AVEN: variants seen among roughly 807,000 people sequenced by gnomAD.
AVEN encodes apoptosis and caspase activation inhibitor.
In AVEN, 41 loss-of-function variants were observed where a neutral mutation model predicts 38.1. That is an observed-to-expected ratio of 1.08 (90% CI 0.84 to 1.40). AVEN has a LOEUF of 1.40. Ranked by LOEUF, AVEN falls within the 40% of genes most tolerant of loss-of-function variation. AVEN has a pLI of 0.00. For synonymous variants in AVEN, 206 were observed against 171.8 expected, an observed-to-expected ratio of 1.20 and a Z score of -1.56; for missense variants, 605 against 438.8, an observed-to-expected ratio of 1.38 and a Z score of -3.38.
At chr15:33,858,193 G>C (rs2079912509), downstream of AVEN, 1 of 364,308 alleles carries the variant, frequency 2.7e-6, no homozygotes, top group African/African-American at 2.0e-5. Context: ...TATTTCCGGG[G>C]TAAAGATGAG....
At chr15:33,889,280 A>G (rs1891834596) in intron 2 of AVEN, among the ~76,000 whole-genome samples, 1 of 152,192 alleles carries the variant, frequency 6.6e-6, no homozygotes, top group Non-Finnish European at 1.5e-5. Context: ...ACATTATTCA[A>G]ATAATGCTAG....
Position 34,038,815 on chromosome 15 carries a change from C to A in AVEN, c.232G>T (p.Glu78Ter). 1 of 1,194,852 alleles carries A rather than the reference C, an allele frequency of 8.4e-7. No individual in the cohort carries two copies. The highest frequency in any genetic ancestry group is 3.4e-5 in the South Asian group (1 of 29,644). The allele number at this position is 1,194,852 out of a possible 1,614,324, so 74.0% of individuals were successfully genotyped here. A position where few individuals can be genotyped will look rare whatever the true frequency, so the allele number is the denominator to read the frequency against. ...GGGAPRGSRR[E>*]PGGWGAGASA... ...GCCCCTGCGCCCCAGCCTCCCGGCTCCCGGCGGCTGCCTCGCGGGGCGCCT... is the reference window on the plus strand; with the variant it reads ...GCCCCTGCGCCCCAGCCTCCCGGCTACCGGCGGCTGCCTCGCGGGGCGCCT... Residue 78 changes from glutamate (E) to a stop codon, truncating the protein, a stop_gained, in exon 1 of 6, where the codon GAG becomes TAG. Coordinates refer to ENST00000306730, the MANE Select transcript of AVEN (RefSeq NM_020371.3). LOFTEE classifies it high-confidence loss of function.
intron 2 of AVEN, among the ~76,000 whole-genome samples, chr15:33,987,500 C>T (rs1023443107): frequency 5.9e-5 from 9 of 152,290 alleles, no homozygotes; most frequent in African/African-American, 1.9e-4. Flanking sequence ...TCAGATTACG[C>T]TCCACTCTCC....
chr15:33,941,877 T>A (rs1894331579), intron 2 of AVEN, among the ~76,000 whole-genome samples: 1 of 152,202 alleles, frequency 6.6e-6, no homozygotes, highest in South Asian at 2.1e-4. Context: ...CACTTCAGCT[T>A]TCCAGTGTTT....
chr15:33,955,624 A>C (rs1324902362), intron 2 of AVEN, among the ~76,000 whole-genome samples: 1 of 152,222 alleles, frequency 6.6e-6, no homozygotes, highest in African/African-American at 2.4e-5. Flanking sequence ...GTGATGAGGC[A>C]GAAGTCATAG....
At chr15:34,002,288 T>G (rs1897165855) in intron 2 of AVEN, among the ~76,000 whole-genome samples, 1 of 152,354 alleles carries the variant, frequency 6.6e-6, no homozygotes, top group South Asian at 2.1e-4. Flanking sequence ...CCCAGGGATC[T>G]GTCACGCTGC....
intron 1 of AVEN, among the ~76,000 whole-genome samples, chr15:34,006,011 T>G (rs1897321013): frequency 1.3e-5 from 2 of 152,120 alleles, no homozygotes; most frequent in African/African-American, 2.4e-5. Context: ...ACCAGGAACA[T>G]TCTACAGAAA....
At chr15:33,861,325 C>A (rs996177115), downstream of AVEN, 4 of 575,900 alleles carry the variant, frequency 6.9e-6, no homozygotes, top group East Asian at 1.2e-4. Flanking sequence ...TCCATAGACT[C>A]TGTCTCTCCC....
At chr15:33,873,401 C>T (rs1317953408) in intron 3 of AVEN, among the ~76,000 whole-genome samples, 2 of 150,296 alleles carry the variant, frequency 1.3e-5, no homozygotes, top group African/African-American at 4.9e-5. Flanking sequence ...CGCCCGCCCC[C>T]TCTCTATTGT....
At chr15:33,868,336 A>C (rs1411311828) in intron 4 of AVEN, among the ~76,000 whole-genome samples, 1 of 152,038 alleles carries the variant, frequency 6.6e-6, no homozygotes, top group Non-Finnish European at 1.5e-5. Flanking sequence ...ATCCTGGCTA[A>C]CATGGTGAAA....
At chr15:33,928,250 T>C (rs1267041099) in intron 2 of AVEN, among the ~76,000 whole-genome samples, 2 of 152,204 alleles carry the variant, frequency 1.3e-5, no homozygotes, top group Non-Finnish European at 2.9e-5. Context: ...TTACTGACTG[T>C]TGTAAATTGA....
intron 4 of AVEN, chr15:34,064,838 ACTAT>A (rs1373452964): frequency 1.7e-5 from 3 of 180,372 alleles, no homozygotes; most frequent in African/African-American, 4.8e-5. Flanking sequence ...TAAACTGATC[ACTAT>A]CTATTATGCA....
chr15:33,854,252 G>A (rs2153000102), downstream of AVEN: 1 of 675,022 alleles, frequency 1.5e-6, no homozygotes, highest in Non-Finnish European at 2.6e-6. Context: ...CTCATGGGGA[G>A]CACATACAAC....
In AVEN at chr15:33,890,840, G is replaced by A. The variant is rs115157039; in HGVS notation, c.446-14845C>T. 5.4e-3 allele frequency among the ~76,000 whole-genome samples: 819 copies of A among 152,312 alleles called. 9 individuals carry two copies. Among genetic ancestry groups the A allele is most frequent in the African/African-American group, 0.019 (788 of 41,578 alleles). The stretch of plus-strand genomic sequence containing the variant: ...TACAAAGGTAAAACTGGCCAAGCAT[G>A]GTGGCTCACAGCTGTAATCCCAGCA... On this transcript the variant is annotated intron_variant, in intron 2 of 5. Transcript: ENST00000306730.
downstream of AVEN, chr15:33,858,169 C>T (rs1191735892): frequency 4.6e-6 from 2 of 431,698 alleles, no homozygotes; most frequent in African/African-American, 2.0e-5. Flanking sequence ...TGCACAGTGG[C>T]GTCATCATTC....
intron 2 of AVEN, among the ~76,000 whole-genome samples, chr15:33,918,019 A>G (rs1352693153): frequency 6.6e-6 from 1 of 152,204 alleles, no homozygotes; most frequent in African/African-American, 2.4e-5. Flanking sequence ...TAATTTTTCT[A>G]TTAATTACAG....
At chr15:33,988,002 A>G (rs489945) in intron 2 of AVEN, among the ~76,000 whole-genome samples, 142,414 of 152,224 alleles carry the variant, frequency 0.94, 67,218 homozygotes, top group Non-Finnish European at 1. Context: ...ACCAACTTCC[A>G]TAGGCCAAAA....
At chr15:34,034,825 A>C (rs1899041121) in intron 1 of AVEN, among the ~76,000 whole-genome samples, 1 of 152,242 alleles carries the variant, frequency 6.6e-6, no homozygotes, top group Non-Finnish European at 1.5e-5. Flanking sequence ...ATCTTAAAGC[A>C]ATCTTCTGTT....
intron 2 of AVEN, among the ~76,000 whole-genome samples, chr15:33,927,927 C>A (rs1314289470): frequency 6.6e-6 from 1 of 152,164 alleles, no homozygotes; most frequent in Non-Finnish European, 1.5e-5. Context: ...AATATTCCCA[C>A]TGCCCACTGT....
Sources: gnomAD v4.1 joint callset for allele counts (sites outside exome capture counted in the v4.1 genomes callset) on GRCh38, gnomAD v4.1.1 for gene constraint, MANE v1.5 for transcripts, NCBI Gene and HGNC (gene_info 2026-07-23, HGNC 2026-07-21) for gene names.